The following PXDN variants were observed in gnomAD, a reference collection of about 807,000 sequenced individuals.
PXDN encodes peroxidasin, also known as peroxidasin homolog.
Under a neutral mutation model 140.3 loss-of-function variants are expected in PXDN, and 77 were observed. The ratio of observed to expected loss-of-function variants is 0.55; its 90% CI spans 0.46 to 0.66. The LOEUF (loss-of-function observed/expected upper bound fraction) is 0.66. Among genes scored for constraint, PXDN ranks in the 30% least tolerant of loss-of-function variants. The probability of loss-of-function intolerance (pLI) is 0.00; values close to 1 mark genes in which losing one functional copy is unlikely to be tolerated. For missense variants in PXDN, 1,838 were observed against 2,039.5 expected (o/e 0.90, Z 1.90); for synonymous variants, 911 against 857.4 (o/e 1.06, Z -1.09).
At chr2:1,718,579 A>C (rs1684945695) in intron 1 of PXDN, among the ~76,000 whole-genome samples, 1 of 151,864 alleles carries the variant, frequency 6.6e-6, no homozygotes, top group Non-Finnish European at 1.5e-5. Flanking sequence ...TACTTTATTA[A>C]CCTATGCCAC....
At chr2:1,658,648 T>C (rs1252174266) in intron 14 of PXDN, among the ~76,000 whole-genome samples, 1 of 152,098 alleles carries the variant, frequency 6.6e-6, no homozygotes, top group Non-Finnish European at 1.5e-5. Context: ...GGTGCTCCTC[T>C]GCTGGGAACT....
chr2:1,671,143 G>A (rs1683566131), intron 9 of PXDN, among the ~76,000 whole-genome samples: 1 of 152,048 alleles, frequency 6.6e-6, no homozygotes, highest in Non-Finnish European at 1.5e-5. Flanking sequence ...ACGTTAGAGG[G>A]GAAGGTTATA....
rs537814445 is a variant in PXDN, at chr2:1,697,622, A to T, written c.201-4488T>A. 9.0e-3 allele frequency among the ~76,000 whole-genome samples: 1,369 copies of T among 152,042 alleles called. 17 individuals carry two copies. Among genetic ancestry groups the T allele is most frequent in the African/African-American group, 0.031 (1,299 of 41,464 alleles). ...CACAAATAATCCTAACGGGGGGGGA[A>T]AAACTTCCCCCAAATTTTAAAGATT... On this transcript the variant is annotated intron_variant, in intron 1 of 22. Transcript: ENST00000252804.
rs535976049 is a variant in PXDN at position 1,724,570 on chromosome 2, C to CGGCA, written c.200+19682_200+19685dup. On this transcript the variant is annotated intron_variant, in intron 1 of 22. Transcript: ENST00000252804. ...TCATCATGGTGGTTTTGCTTCAAGACGGCACCACTCTGCCATTCAACAGAC... is the reference window on the plus strand; with the variant it reads ...TCATCATGGTGGTTTTGCTTCAAGACGGCAGGCACCACTCTGCCATTCAACAGAC... 3.9e-5 allele frequency among the ~76,000 whole-genome samples: 6 copies of CGGCA among 152,178 alleles called. No homozygotes were observed. In the South Asian group the frequency reaches 1.0e-3, roughly 26 times the overall value.
chr2:1,735,773 C>G (rs145154672), intron 1 of PXDN, among the ~76,000 whole-genome samples: 48 of 152,288 alleles, frequency 3.2e-4, no homozygotes, highest in African/African-American at 1.1e-3. Context: ...TTAGCTCCTA[C>G]CAAGAGTTCA....
At chr2:1,686,101 G>A (rs958965683) in intron 4 of PXDN, among the ~76,000 whole-genome samples, 1 of 152,176 alleles carries the variant, frequency 6.6e-6, no homozygotes, top group African/African-American at 2.4e-5. Context: ...CGGGGAAGGG[G>A]TGCAGTTCGC....
At chr2:1,666,520 T>G (rs1325803538) in intron 9 of PXDN, 34 bp from the exon 10 acceptor site, 17 of 1,559,090 alleles carry the variant, frequency 1.1e-5, no homozygotes, top group Non-Finnish European at 1.3e-5. Context: ...TCAATTAATT[T>G]CTCCCGGTTT....
intron 8 of PXDN, among the ~76,000 whole-genome samples, chr2:1,675,709 C>T (rs1683687101): frequency 6.6e-6 from 1 of 152,202 alleles, no homozygotes; most frequent in Admixed American, 6.5e-5. Flanking sequence ...CTTCTATAAA[C>T]ACCACCTTGC....
At chr2:1,680,472 C>T in intron 6 of PXDN, 110 bp from the exon 7 acceptor site, 1 of 1,352,218 alleles carries the variant, frequency 7.4e-7, no homozygotes, top group Non-Finnish European at 1.0e-6. Flanking sequence ...CCAGGCCTGC[C>T]AGGCTTGCGA....
chr2:1,641,941 A>G (rs771795826), intron 19 of PXDN, among the ~76,000 whole-genome samples: 2 of 152,250 alleles, frequency 1.3e-5, no homozygotes, highest in South Asian at 2.1e-4. Flanking sequence ...ATTTTCTACC[A>G]TGCTTGTAGA....
At chr2:1,697,480 C>T (rs1684323885) in intron 1 of PXDN, among the ~76,000 whole-genome samples, 1 of 152,354 alleles carries the variant, frequency 6.6e-6, no homozygotes, top group Middle Eastern at 3.4e-3. Context: ...AAGCTTTGCA[C>T]ATGTCTGGGC....
intron 4 of PXDN, among the ~76,000 whole-genome samples, chr2:1,684,786 C>CT (rs778183626): frequency 6.6e-6 from 1 of 152,144 alleles, no homozygotes; most frequent in Non-Finnish European, 1.5e-5. Context: ...CAATTTATAC[C>CT]TTTTGATATA....
Position 1,649,424 on chromosome 2 carries a change from G to A in PXDN, c.2356C>T (p.Leu786=). 1 of 1,614,008 alleles carries A rather than the reference G, an allele frequency of 6.2e-7. No homozygotes were observed. The highest frequency in any genetic ancestry group is 8.5e-7 in the Non-Finnish European group (1 of 1,179,892). The change falls in exon 17 of 23, where the codon CTG becomes TTG. Residue 786 remains leucine, a synonymous_variant. Transcript: ENST00000252804. This position sits in a 1 kb window ranked among gnomAD's most constrained non-coding sequence, Gnocchi z 7.1. Reference sequence around the variant, plus strand: ...ATGGGAAGGGCGTGCCCGTTGTACAGTCGGTGGGGGTTGATGCCCCGAGGG... The same window carrying A: ...ATGGGAAGGGCGTGCCCGTTGTACAATCGGTGGGGGTTGATGCCCCGAGGG... ...NTPRGINPHR[L]YNGHALPMPR... is the part of the protein sequence containing the mutation.
At chr2:1,724,399 C>T (rs1685129037) in intron 1 of PXDN, among the ~76,000 whole-genome samples, 1 of 141,988 alleles carries the variant, frequency 7.0e-6, no homozygotes, top group Admixed American at 7.5e-5. Context: ...TTTGACAAAA[C>T]ATGTAGAGTT....
In PXDN at chr2:1,663,775, T is replaced by C. The variant is rs1024393862; in HGVS notation, c.1409-12A>G. 1 of 1,610,754 alleles carries C rather than the reference T, an allele frequency of 6.2e-7. No homozygotes were observed. The highest frequency in any genetic ancestry group is 8.5e-7 in the Non-Finnish European group (1 of 1,179,670). Reference sequence around the variant, plus strand: ...GGAGAGCTGGCTCCCTGCAAGGGCATGGGCCCGTTACACTGGACACTCGGA... The same window carrying C: ...GGAGAGCTGGCTCCCTGCAAGGGCACGGGCCCGTTACACTGGACACTCGGA... On this transcript the variant is annotated splice_polypyrimidine_tract_variant and intron_variant, in intron 11 of 22. Transcript: ENST00000252804.
rs1002074877 is a variant in PXDN, at chr2:1,651,717, T to G, written c.2104+1911A>C. The stretch of plus-strand genomic sequence containing the variant: ...CCCTTGTGGGGTCCCTGCTCACGTG[T>G]CACCTTCGCCCATGGGGAACAGCAC... On this transcript the variant is annotated intron_variant, in intron 16 of 22. Transcript: ENST00000252804. The surrounding 1 kb of genome is among the most constrained non-coding windows in gnomAD (Gnocchi z 4.4). Among the ~76,000 whole-genome samples the G allele has an allele frequency of 1.4e-4, 21 of 152,274 alleles. No homozygotes were observed. Among genetic ancestry groups the G allele is most frequent in the Admixed American group, 1.1e-3 (17 of 15,306 alleles).
At position 1,677,031 on chromosome 2, in the gene PXDN, G is replaced by T; in HGVS notation, c.744C>A (p.Ile248=). 6.2e-7 allele frequency: 1 copy of T among 1,603,982 alleles called. No individual in the cohort carries two copies. Among genetic ancestry groups the T allele is most frequent in the Non-Finnish European group, 8.5e-7 (1 of 1,173,286 alleles). The change falls in exon 8 of 23, where the codon ATC becomes ATA. Residue 248 remains isoleucine (I), a synonymous_variant. Transcript: ENST00000252804. The part of the protein sequence containing the change: ...PEELNCERPR[I]TSEPQDADVT... ...CATCTGCGTCCTGGGGCTCGGAGGT[G>T]ATCCGGGGCCTTTCTGTGCCCAACC...
At chr2:1,738,905 TTCTG>T (rs1685477520) in intron 1 of PXDN, among the ~76,000 whole-genome samples, 1 of 152,232 alleles carries the variant, frequency 6.6e-6, no homozygotes, top group South Asian at 2.1e-4. Flanking sequence ...CAGACTGGAA[TTCTG>T]TCTTTGTTCT....
intron 14 of PXDN, among the ~76,000 whole-genome samples, chr2:1,655,964 AAAT>A (rs1683124394): frequency 6.6e-6 from 1 of 151,878 alleles, no homozygotes; most frequent in Non-Finnish European, 1.5e-5. Context: ...AGCACCTTAT[AAAT>A]AACACGCACA....
Sources: gnomAD v4.1 joint callset for allele counts (sites outside exome capture counted in the v4.1 genomes callset) on GRCh38, gnomAD v4.1.1 for gene constraint, Gnocchi (gnomAD v3.1) non-coding constraint, MANE v1.5 for transcripts, NCBI Gene and HGNC (gene_info 2026-07-23, HGNC 2026-07-21) for gene names.